NID2: variants seen among roughly 807,000 people sequenced by gnomAD.
NID2 encodes the protein nidogen 2, also known as nidogen-2.
Under a neutral mutation model 145.4 loss-of-function variants are expected in NID2, and 83 were observed. The observed-to-expected ratio is 0.57, with a 90% CI of 0.48 to 0.69. NID2 has a LOEUF of 0.69. Among genes scored for constraint, NID2 ranks in the 30% least tolerant of loss-of-function variants. The pLI is 0.00. For missense variants in NID2, 1,807 were observed against 1,765.7 expected, an observed-to-expected ratio of 1.02 and a Z score of -0.42; for synonymous variants, 739 against 701.3, an observed-to-expected ratio of 1.05 and a Z score of -0.85.
At chr14:52,037,579 G>C (rs1315684445) in intron 9 of NID2, among the ~76,000 whole-genome samples, 2 of 152,198 alleles carry the variant, frequency 1.3e-5, no homozygotes, top group Non-Finnish European at 2.9e-5. Flanking sequence ...TTTCGAGTTT[G>C]AGAAATACAA....
chr14:52,038,966 T>C lies in NID2; in HGVS notation c.2038A>G (p.Thr680Ala), dbSNP rs200137827. The C allele has an allele frequency of 2.0e-5, 32 of 1,611,594 alleles. No homozygotes were observed. The East Asian group carries it at 6.7e-4, about 34-fold the overall frequency. Reference protein sequence around the residue: ...YHYSDSTVTSTSSRDYSLTFG... With the variant: ...YHYSDSTVTSASSRDYSLTFG... ...GTCAGAGAGTAGTCTCTGGAACTTG[T>C]AGAGGTCACAGCTGCAACAAACACA... The change falls in exon 9 of 22, where the codon ACA (threonine) becomes GCA (alanine). Residue 680 changes from threonine (T) to alanine (A), a missense_variant. Coordinates refer to ENST00000216286, the MANE Select transcript of NID2 (RefSeq NM_007361.4).
chr14:52,006,551 G>C lies in NID2; in HGVS notation c.3990C>G (p.His1330Gln), dbSNP rs757405551. ...GTGGGGCTCACCTCCTCCAGTCTGT[G>C]TGGTAGAAGTGATCTGCATAGCTTA... Reference protein sequence around the residue: ...SIVSYADHFYHTDWRRDGVVS... With the variant: ...SIVSYADHFYQTDWRRDGVVS... The change falls in exon 20 of 22, where the codon CAC becomes CAG. Residue 1330 changes from histidine (H) to glutamine (Q), a missense_variant. By Grantham distance (24) the His-to-Gln change is conservative. Coordinates refer to ENST00000216286, the MANE Select transcript of NID2 (RefSeq NM_007361.4). 120 of 1,613,658 alleles carry C rather than the reference G, an allele frequency of 7.4e-5. No homozygotes were observed. The highest frequency in any genetic ancestry group is 9.7e-5 in the Non-Finnish European group (114 of 1,179,722).
rs201387677 is a variant in NID2 at position 52,053,970 on chromosome 14, T to A, written c.1070-32A>T. ...CAGGATAGAATGGCCAATAAGTAGG[T>A]GTTGGATGCAAGGGGGAGGACAGAT... On this transcript the variant is annotated intron_variant, in intron 4 of 21. Coordinates refer to ENST00000216286, the MANE Select transcript of NID2 (RefSeq NM_007361.4). The A allele has an allele frequency of 3.7e-6, 6 of 1,611,386 alleles. No homozygotes were observed. The African/African-American group carries it at 6.7e-5, about 18-fold the overall frequency.
rs55889873 is a variant in NID2, at chr14:52,038,237, G to C, written c.2257+510C>G. Among the ~76,000 whole-genome samples, 593 of 152,272 alleles carry C rather than the reference G, an allele frequency of 3.9e-3. 3 individuals are homozygous for C. Among genetic ancestry groups the C allele is most frequent in the African/African-American group, 0.014 (566 of 41,554 alleles). ...GTATAATGTTCTGGGAATCATGGAGGGGGAGGTTATACATCAAGTTCTATG... is the reference window on the plus strand; with the variant it reads ...GTATAATGTTCTGGGAATCATGGAGCGGGAGGTTATACATCAAGTTCTATG... On this transcript the variant is annotated intron_variant, in intron 9 of 21. Coordinates refer to ENST00000216286, the MANE Select transcript of NID2 (RefSeq NM_007361.4).
intron 11 of NID2, chr14:52,028,520 C>G: frequency 4.4e-6 from 2 of 455,874 alleles, no homozygotes; most frequent in Non-Finnish European, 7.5e-6. Flanking sequence ...AAGCGATCCA[C>G]CTGCCTCAGC....
chr14:52,011,701 T>C lies in NID2; in HGVS notation c.3421-18A>G, dbSNP rs1300451274. On this transcript the variant is annotated intron_variant, in intron 16 of 21. Coordinates refer to ENST00000216286, the MANE Select transcript of NID2 (RefSeq NM_007361.4). ...ATGGAGCCCTTTGTGCATCAAATCA[T>C]AGAATTAGAAGAATTAGGTTACATT... The C allele has an allele frequency of 2.5e-6, 4 of 1,613,546 alleles. No individual in the cohort carries two copies. Among genetic ancestry groups the C allele is most frequent in the Non-Finnish European group, 3.4e-6 (4 of 1,179,796 alleles).
At chr14:52,014,732 CAG>C (rs1035687325) in intron 15 of NID2, among the ~76,000 whole-genome samples, 3 of 150,288 alleles carry the variant, frequency 2.0e-5, no homozygotes, top group South Asian at 4.2e-4. Flanking sequence ...AAAAAAAAAA[CAG>C]AGCCAGCATT....
Position 52,007,970 on chromosome 14 carries a change from G to A in NID2, c.3723-3C>T, listed in dbSNP as rs1271989782. 3 of 1,592,316 alleles carry A rather than the reference G, an allele frequency of 1.9e-6. No homozygotes were observed. The African/African-American group carries it at 4.1e-5, about 22-fold the overall frequency. ...TCCAGTCTGTCCAGTACAAGTTGCT[G>A]TAAGTTAAAAATCAAGATTGTAAAA... is the stretch of plus-strand genomic sequence containing the variant. On this transcript the variant is annotated splice_region_variant and splice_polypyrimidine_tract_variant and intron_variant, in intron 18 of 21. Transcript: ENST00000216286.
At chr14:52,032,153 C>T (rs753552816) in intron 9 of NID2, among the ~76,000 whole-genome samples, 2 of 152,194 alleles carry the variant, frequency 1.3e-5, no homozygotes, top group Non-Finnish European at 2.9e-5. Flanking sequence ...TTCTGGTAAA[C>T]TCTTTCCATC....
At chr14:52,030,518 A>AG (rs765186269) in intron 9 of NID2, among the ~76,000 whole-genome samples, 4,247 of 35,846 alleles carry the variant, frequency 0.12, 204 homozygotes, top group Non-Finnish European at 0.16. Context: ...AAAGAAAGAA[A>AG]AGAAAGAAAG....
intron 12 of NID2, among the ~76,000 whole-genome samples, chr14:52,021,971 G>A (rs771454795): frequency 4.6e-5 from 7 of 152,162 alleles, no homozygotes; most frequent in African/African-American, 7.2e-5. Context: ...ACATTCAGCC[G>A]AATGCAGGAA....
chr14:52,060,197 C>T lies in NID2; in HGVS notation c.694G>A (p.Ala232Thr), dbSNP rs776877352. The T allele has an allele frequency of 3.7e-6, 6 of 1,613,892 alleles. No individual in the cohort carries two copies. The highest frequency in any genetic ancestry group is 5.1e-6 in the Non-Finnish European group (6 of 1,179,986). Reference protein sequence around the residue: ...PARVGFCRGEADDLKSEGPYF... With the variant: ...PARVGFCRGETDDLKSEGPYF... ...GGTCCTTCTGACTTCAGATCATCAG[C>T]CTCCCCTCGGCAGAAGCCCACCCGA... The change falls in exon 3 of 22, where the codon GCT becomes ACT. Residue 232 changes from alanine (A) to threonine (T), a missense_variant. By Grantham distance (58) the Ala-to-Thr change is moderately conservative. Coordinates refer to ENST00000216286, the MANE Select transcript of NID2 (RefSeq NM_007361.4).
At position 52,028,541 on chromosome 14, in the gene NID2, G is replaced by A. The variant is rs199723093; in HGVS notation, c.2530+181C>T. Reference sequence around the variant, plus strand: ...TCCACCTGCCTCAGCCTTCCAAAGCGATGATTACAGGCGTGAGCCACCACA... The same window carrying A: ...TCCACCTGCCTCAGCCTTCCAAAGCAATGATTACAGGCGTGAGCCACCACA... On this transcript the variant is annotated intron_variant, in intron 11 of 21. Coordinates refer to ENST00000216286, the MANE Select transcript of NID2 (RefSeq NM_007361.4). The A allele has an allele frequency of 5.8e-5, 33 of 564,218 alleles. No individual in the cohort carries two copies. In the East Asian group the frequency reaches 5.9e-4, roughly 10 times the overall value. 35.0% of individuals were successfully genotyped at this position (564,218 alleles called of 1,614,324 possible). A position where few individuals can be genotyped will look rare whatever the true frequency, so the allele number is the denominator to read the frequency against.
chr14:52,030,958 A>G (rs1332410507), intron 9 of NID2, among the ~76,000 whole-genome samples: 3 of 152,260 alleles, frequency 2.0e-5, no homozygotes, highest in East Asian at 3.8e-4. Flanking sequence ...CCTTCTAACT[A>G]CATGGTGAGG....
intron 15 of NID2, 81 bp from the exon 16 acceptor site, chr14:52,014,537 C>G (rs1350631499): frequency 2.9e-6 from 4 of 1,373,674 alleles, no homozygotes; most frequent in Non-Finnish European, 4.0e-6. Flanking sequence ...TTACCACATA[C>G]CAGAGCCTCC....
intron 3 of NID2, among the ~76,000 whole-genome samples, chr14:52,058,836 A>T (rs1374588016): frequency 6.6e-6 from 1 of 151,914 alleles, no homozygotes; most frequent in African/African-American, 2.4e-5. Context: ...ATAATAATAA[A>T]TCTATGGAAT....
intron 16 of NID2, chr14:52,012,043 T>TAAA (rs3030364): frequency 0.099 from 14,702 of 148,498 alleles, 725 homozygotes; most frequent in Non-Finnish European, 0.11. Context: ...ACTGATGATT[T>TAAA]AAAAAAAAAA....
intron 8 of NID2, 21 bp downstream of exon 8, chr14:52,040,630 G>A (rs1892244504): frequency 6.2e-7 from 1 of 1,600,882 alleles, no homozygotes; most frequent in East Asian, 2.2e-5. Flanking sequence ...TTTTACAGAT[G>A]TGAAGACTGG....
chr14:52,016,181 A>C (rs1302082644), intron 14 of NID2, among the ~76,000 whole-genome samples: 1 of 152,200 alleles, frequency 6.6e-6, no homozygotes, highest in Non-Finnish European at 1.5e-5. Context: ...TTTGTCCAAA[A>C]TACAGGTTGT....
Sources: allele counts gnomAD v4.1 joint callset (sites outside exome capture counted in the v4.1 genomes callset), GRCh38; gene constraint gnomAD v4.1.1; transcripts MANE v1.5; gene names NCBI Gene and HGNC (gene_info 2026-07-23, HGNC 2026-07-21).